Variants in POPDC1 observed in about 807,000 individuals in gnomAD.
The protein encoded by POPDC1 is popeye domain-containing protein 1.
At chr6:105,114,015 T>C in the POPDC1 span, among the ~76,000 whole-genome samples, 26 of 151,856 alleles carry the variant, frequency 1.7e-4, no homozygotes, top group East Asian at 3.7e-3. Context: ...AATTCTTGTA[T>C]GAAAGGTGAT....
At chr6:105,124,687 A>G in the POPDC1 span, 18 of 1,391,328 alleles carry the variant, frequency 1.3e-5, no homozygotes, top group Admixed American at 5.2e-5. Flanking sequence ...AATAAAAGCA[A>G]TATTTCACAA....
the POPDC1 span, among the ~76,000 whole-genome samples, chr6:105,122,503 A>G: frequency 2.8e-4 from 43 of 152,320 alleles, no homozygotes; most frequent in Admixed American, 2.2e-3. Flanking sequence ...AAAAGATAGT[A>G]TATTAGTATT....
At chr6:105,118,005 C>T in the POPDC1 span, among the ~76,000 whole-genome samples, 495 of 152,288 alleles carry the variant, frequency 3.3e-3, 3 homozygotes, top group Non-Finnish European at 6.0e-3. Flanking sequence ...CATGATCACA[C>T]CACTACACTC....
At chr6:105,134,598 C>T in the POPDC1 span, among the ~76,000 whole-genome samples, 1 of 152,068 alleles carries the variant, frequency 6.6e-6, no homozygotes, top group African/African-American at 2.4e-5. Context: ...TCTTACTCTT[C>T]TACTGCTTGT....
At chr6:105,133,508 T>C in the POPDC1 span, 1 of 1,613,774 alleles carries the variant, frequency 6.2e-7, no homozygotes, top group African/African-American at 1.3e-5. Flanking sequence ...ACAGGTATGA[T>C]ACTTTCTAAC....
At chr6:105,108,324 T>C in the POPDC1 span, among the ~76,000 whole-genome samples, 14 of 152,084 alleles carry the variant, frequency 9.2e-5, no homozygotes, top group African/African-American at 3.4e-4. Flanking sequence ...CGGCAGGCTC[T>C]GTAAGGAAAG....
chr6:105,130,995 G>A, the POPDC1 span, among the ~76,000 whole-genome samples: 1 of 152,134 alleles, frequency 6.6e-6, no homozygotes. Context: ...TTATCTCTGA[G>A]AATCTTCCTG....
the POPDC1 span, chr6:105,125,504 G>A: frequency 3.1e-6 from 5 of 1,613,956 alleles, no homozygotes; most frequent in East Asian, 8.9e-5. Flanking sequence ...TTAGTCTTCT[G>A]AACAAATCTG....
the POPDC1 span, chr6:105,101,188 G>A: frequency 6.3e-5 from 102 of 1,612,544 alleles, no homozygotes; most frequent in Middle Eastern, 1.6e-4. Flanking sequence ...TCTTGGCAGA[G>A]GCTCGCTGGT....
chr6:105,111,312 G>A, the POPDC1 span, among the ~76,000 whole-genome samples: 1 of 152,200 alleles, frequency 6.6e-6, no homozygotes, highest in Admixed American at 6.5e-5. Flanking sequence ...ACTAGTGATG[G>A]AATTGCCAAT....
At chr6:105,125,052 C>T in the POPDC1 span, among the ~76,000 whole-genome samples, 206 of 152,302 alleles carry the variant, frequency 1.4e-3, no homozygotes, top group African/African-American at 4.8e-3. Flanking sequence ...ATATTCAAGA[C>T]AAATTAACTC....
chr6:105,103,600 T>C, the POPDC1 span, among the ~76,000 whole-genome samples: 1 of 152,222 alleles, frequency 6.6e-6, no homozygotes, highest in East Asian at 1.9e-4. Context: ...TAAGATGGCA[T>C]GTCTAAGAGC....
At chr6:105,119,633 G>A in the POPDC1 span, among the ~76,000 whole-genome samples, 1 of 152,208 alleles carries the variant, frequency 6.6e-6, no homozygotes, top group African/African-American at 2.4e-5. Context: ...TAGGACTGAT[G>A]TTCCTTCGTT....
chr6:105,129,541 A>G, the POPDC1 span: 1 of 1,583,752 alleles, frequency 6.3e-7, no homozygotes, highest in Non-Finnish European at 8.6e-7. Context: ...GATAATCTAG[A>G]AGAGCCTAAG....
At chr6:105,099,410 G>C in the POPDC1 span, 4 of 152,194 alleles carry the variant, frequency 2.6e-5, no homozygotes, top group African/African-American at 9.6e-5. Context: ...GTTCACCTGA[G>C]AACAACTTCA....
At chr6:105,124,750 G>A in the POPDC1 span, 2 of 912,996 alleles carry the variant, frequency 2.2e-6, no homozygotes, top group East Asian at 2.5e-5. Flanking sequence ...TTATTTTGTA[G>A]TACAGTTTTA....
At chr6:105,109,445 C>A in the POPDC1 span, among the ~76,000 whole-genome samples, 1 of 151,980 alleles carries the variant, frequency 6.6e-6, no homozygotes, top group Non-Finnish European at 1.5e-5. Context: ...GTTACTAAGT[C>A]CCCCTAGAGT....
At chr6:105,098,479 C>CTTT in the POPDC1 span, 2 of 152,226 alleles carry the variant, frequency 1.3e-5, no homozygotes, top group African/African-American at 2.4e-5. Flanking sequence ...ATATCACCTA[C>CTTT]TTTTAGCAGT....
At chr6:105,133,537 G>C in the POPDC1 span, 14 of 1,613,582 alleles carry the variant, frequency 8.7e-6, no homozygotes, top group Non-Finnish European at 1.2e-5. Context: ...AAAACCTATG[G>C]CAGTTGATTC....
Sources: allele counts gnomAD v4.1 joint callset (sites outside exome capture counted in the v4.1 genomes callset), GRCh38; gene constraint gnomAD v4.1.1; transcripts MANE v1.5; gene names NCBI Gene and HGNC (gene_info 2026-07-23, HGNC 2026-07-21).